Variants in ARL6IP5 observed in about 807,000 individuals in gnomAD.
ARL6IP5 encodes PRA1 family protein 3.
In ARL6IP5, 6 loss-of-function variants were observed where a neutral mutation model predicts 13.0. That is an observed-to-expected ratio of 0.46 (90% CI 0.25 to 0.91). The LOEUF is 0.91. Ranked by LOEUF, ARL6IP5 falls within the 40% of genes least tolerant of loss-of-function variation. ARL6IP5 has a pLI of 0.17. For missense variants in ARL6IP5, 208 were observed against 248.8 expected (o/e 0.84, Z 1.10); for synonymous variants, 91 against 91.9 (o/e 0.99, Z 0.06).
intron 1 of ARL6IP5, among the ~76,000 whole-genome samples, chr3:69,101,316 C>A (rs1334672321): frequency 8.4e-6 from 1 of 119,446 alleles, no homozygotes; most frequent in Non-Finnish European, 1.7e-5. Context: ...TCAGCTCCAC[C>A]TTTTTTTTTT....
In ARL6IP5 at chr3:69,101,791, T is replaced by A. The variant is rs376299446; in HGVS notation, c.177-48T>A. The A allele has an allele frequency of 1.2e-3, 1,777 of 1,491,996 alleles. 2 individuals carry two copies. Among genetic ancestry groups the A allele is most frequent in the Non-Finnish European group, 1.5e-3 (1,656 of 1,080,054 alleles). 92.4% of individuals were successfully genotyped at this position (1,491,996 alleles called of 1,614,324 possible). ...TACTCCTCTTTCTCCTTTTGCTACT[T>A]CTATTGCTGAACTAGTCACCCCTCA... On this transcript the variant is annotated intron_variant, in intron 1 of 2. Transcript: ENST00000273258.
intron 2 of ARL6IP5, among the ~76,000 whole-genome samples, chr3:69,103,028 A>G (rs1575865204): frequency 6.6e-6 from 1 of 152,336 alleles, no homozygotes; most frequent in East Asian, 1.9e-4. Context: ...ATAACATTTG[A>G]CATGTGCACT....
chr3:69,101,404 A>G (rs2092304828), intron 1 of ARL6IP5, among the ~76,000 whole-genome samples: 1 of 144,882 alleles, frequency 6.9e-6, no homozygotes, highest in African/African-American at 2.6e-5. Context: ...CTCACTGGAG[A>G]CTCAACCTCC....
intron 1 of ARL6IP5, among the ~76,000 whole-genome samples, chr3:69,098,410 A>G (rs2092294024): frequency 6.6e-6 from 1 of 151,738 alleles, no homozygotes; most frequent in Non-Finnish European, 1.5e-5. Flanking sequence ...AGCCCAACTA[A>G]TTTTTTGTAT....
intron 1 of ARL6IP5, among the ~76,000 whole-genome samples, chr3:69,088,144 T>C (rs1433422686): frequency 4.6e-5 from 7 of 152,204 alleles, no homozygotes. Context: ...TAACTACTGT[T>C]CTGTCTTACT....
Position 69,101,316 on chromosome 3 carries a change from C to CTTT in ARL6IP5, c.177-504_177-502dup, listed in dbSNP as rs549402201. ...TGCCTGGGTGTGATCTCAGCTCCAC[C>CTTT]TTTTTTTTTTTTTTTTTTTTTAATG... On this transcript the variant is annotated intron_variant, in intron 1 of 2. Coordinates refer to ENST00000273258, the MANE Select transcript of ARL6IP5 (RefSeq NM_006407.4). Among the ~76,000 whole-genome samples the CTTT allele has an allele frequency of 4.6e-4, 55 of 119,440 alleles. 1 individual carries two copies. The South Asian group carries it at 8.1e-3, about 18-fold the overall frequency. 78.4% of individuals were successfully genotyped at this position (119,440 alleles called of 152,430 possible). A position where few individuals can be genotyped will look rare whatever the true frequency, so the allele number is the denominator to read the frequency against.
chr3:69,091,490 T>A (rs1207741148), intron 1 of ARL6IP5, among the ~76,000 whole-genome samples: 1 of 151,800 alleles, frequency 6.6e-6, no homozygotes, highest in Admixed American at 6.6e-5. Flanking sequence ...AGAGAAGGGT[T>A]TTTGCCATGT....
rs149533659 is a variant in ARL6IP5 at position 69,087,894 on chromosome 3, A to G, written c.176+2671A>G. 3.2e-4 allele frequency among the ~76,000 whole-genome samples: 49 copies of G among 152,340 alleles called. No individual in the cohort carries two copies. The East Asian group carries it at 8.3e-3, about 26-fold the overall frequency. The stretch of plus-strand genomic sequence containing the variant: ...GGTATATAACCCCTAACTGTTTTCT[A>G]TGCAACTATAAGCACAGTCAGTAGT... On this transcript the variant is annotated intron_variant, in intron 1 of 2. Coordinates refer to ENST00000273258, the MANE Select transcript of ARL6IP5 (RefSeq NM_006407.4).
intron 1 of ARL6IP5, among the ~76,000 whole-genome samples, chr3:69,092,887 C>T (rs1315084978): frequency 6.6e-6 from 1 of 151,304 alleles, no homozygotes; most frequent in Admixed American, 6.6e-5. Context: ...TATCTTTCCA[C>T]TTCTGTTCCC....
In ARL6IP5 at chr3:69,100,287, T is replaced by C. The variant is rs180911462; in HGVS notation, c.177-1552T>C. Among the ~76,000 whole-genome samples, 4 of 152,318 alleles carry C rather than the reference T, an allele frequency of 2.6e-5. No homozygotes were observed. The East Asian group carries it at 5.8e-4, about 22-fold the overall frequency. The stretch of plus-strand genomic sequence containing the variant: ...CAATAGTAGTGTAATTGCTATTACA[T>C]ACTAAACATTTGGCTTATATAAGAA... On this transcript the variant is annotated intron_variant, in intron 1 of 2. Coordinates refer to ENST00000273258, the MANE Select transcript of ARL6IP5 (RefSeq NM_006407.4).
At chr3:69,093,054 A>G (rs1188624850) in intron 1 of ARL6IP5, among the ~76,000 whole-genome samples, 6 of 152,166 alleles carry the variant, frequency 3.9e-5, no homozygotes, top group Non-Finnish European at 8.8e-5. Context: ...GTCTAATCAG[A>G]GCTTTGTACA....
chr3:69,085,229 T>G lies in ARL6IP5; in HGVS notation c.176+6T>G, dbSNP rs779456513. On this transcript the variant is annotated splice_donor_region_variant and intron_variant, in intron 1 of 2. Transcript: ENST00000273258. The stretch of plus-strand genomic sequence containing the variant: ...ATGATGATTTCCATTGTGGGGTAAG[T>G]GGGGTCCCCCTACCCGGGACACCGA... 11 of 1,610,030 alleles carry G rather than the reference T, an allele frequency of 6.8e-6. No homozygotes were observed. In the Admixed American group the frequency reaches 1.8e-4, roughly 27 times the overall value.
chr3:69,100,800 A>T (rs968970866), intron 1 of ARL6IP5, among the ~76,000 whole-genome samples: 1 of 151,352 alleles, frequency 6.6e-6, no homozygotes, highest in East Asian at 1.9e-4. Context: ...AAAAAAAAAA[A>T]GAAAAACAGT....
intron 1 of ARL6IP5, among the ~76,000 whole-genome samples, chr3:69,098,906 A>G (rs149676217): frequency 1.3e-5 from 2 of 152,272 alleles, no homozygotes; most frequent in African/African-American, 2.4e-5. Context: ...TTAATCATAA[A>G]TACCACTAAT....
intron 1 of ARL6IP5, among the ~76,000 whole-genome samples, chr3:69,089,074 G>A (rs1333180114): frequency 6.6e-6 from 1 of 152,134 alleles, no homozygotes; most frequent in Non-Finnish European, 1.5e-5. Context: ...AGACCTACTG[G>A]GTTAGAATCT....
chr3:69,104,135 T>C (rs1037662567), intron 2 of ARL6IP5, among the ~76,000 whole-genome samples: 1 of 152,198 alleles, frequency 6.6e-6, no homozygotes, highest in Non-Finnish European at 1.5e-5. Context: ...TGGAATCCCG[T>C]TGATTCACTC....
At chr3:69,092,056 C>A (rs1189279166) in intron 1 of ARL6IP5, among the ~76,000 whole-genome samples, 1 of 151,876 alleles carries the variant, frequency 6.6e-6, no homozygotes, top group African/African-American at 2.4e-5. Context: ...AATGCCTTCA[C>A]CCTTAATACC....
At chr3:69,104,060 A>G (rs2092314634) in intron 2 of ARL6IP5, among the ~76,000 whole-genome samples, 1 of 152,194 alleles carries the variant, frequency 6.6e-6, no homozygotes, top group Non-Finnish European at 1.5e-5. Flanking sequence ...CAAGATACAG[A>G]TAATCCCGAA....
At chr3:69,086,866 G>T (rs953883891) in intron 1 of ARL6IP5, among the ~76,000 whole-genome samples, 1 of 151,862 alleles carries the variant, frequency 6.6e-6, no homozygotes, top group Admixed American at 6.6e-5. Flanking sequence ...GGGATTACAG[G>T]CACGTACCAC....
Sources: allele counts gnomAD v4.1 joint callset (sites outside exome capture counted in the v4.1 genomes callset), GRCh38; gene constraint gnomAD v4.1.1; transcripts MANE v1.5; gene names NCBI Gene and HGNC (gene_info 2026-07-23, HGNC 2026-07-21).